Variants in DLG4 observed in about 807,000 individuals in gnomAD.
The protein encoded by DLG4 is discs large MAGUK scaffold protein 4, also known as disks large homolog 4.
Under a neutral mutation model 93.8 loss-of-function variants are expected in DLG4, and 7 were observed. That is an observed-to-expected ratio of 0.07 (90% CI 0.04 to 0.14). The LOEUF is 0.14. DLG4 is among the 10% of genes least tolerant of loss of function. DLG4 has a pLI of 1.00. For missense variants in DLG4, 545 were observed against 992.9 expected (o/e 0.55, Z 6.06); for synonymous variants, 341 against 387.6 (o/e 0.88, Z 1.41).
rs551015097 is a variant in DLG4 at position 7,195,769 on chromosome 17, C to T, written c.1301+451G>A. ...CAGAAACCTAAGCCACAAAAAGAGT[C>T]AATGGAGACGAGCCCTAAGAGGGGA... is the stretch of plus-strand genomic sequence containing the variant. On this transcript the variant is annotated intron_variant, in intron 11 of 19. Transcript: ENST00000399506. The surrounding 1 kb of genome is among the most constrained non-coding windows in gnomAD (Gnocchi z 4.3). Among the ~76,000 whole-genome samples the T allele has an allele frequency of 2.7e-4, 41 of 152,254 alleles. No individual in the cohort carries two copies. The South Asian group carries it at 8.5e-3, about 32-fold the overall frequency.
upstream of DLG4, chr17:7,218,469 G>C: frequency 6.8e-7 from 1 of 1,471,990 alleles, no homozygotes; most frequent in Non-Finnish European, 9.3e-7. Context: ...TGATCTCTGG[G>C]CTCCCAAACA....
At chr17:7,219,209 C>T (rs899868944), upstream of DLG4, 1 of 343,142 alleles carries the variant, frequency 2.9e-6, no homozygotes, top group African/African-American at 2.1e-5. Context: ...GACTTCCTGC[C>T]CTAGGGCTAG....
At chr17:7,218,099 G>A (rs771980584), upstream of DLG4, 28 of 748,644 alleles carry the variant, frequency 3.7e-5, no homozygotes, top group Admixed American at 5.6e-5. Context: ...GTGCATTCTC[G>A]GTGCCCCAAG....
chr17:7,191,757 T>TCCCCAGAGC lies in DLG4; in HGVS notation c.1976+135_1976+136insGCTCTGGGG. On this transcript the variant is annotated intron_variant, in intron 18 of 19. Transcript: ENST00000399506. The surrounding 1 kb of genome is among the most constrained non-coding windows in gnomAD (Gnocchi z 6.6). ...ACCCGATTCCCCCACATCCTCTGGG[T>TCCCCAGAGC]TCCAGGGATCCCCCTCAGGGGCTGC... is the stretch of plus-strand genomic sequence containing the variant. The TCCCCAGAGC allele has an allele frequency of 1.6e-6, 1 of 629,576 alleles. No homozygotes were observed. The highest frequency in any genetic ancestry group is 2.6e-4 in the Middle Eastern group (1 of 3,798). The allele number at this position is 629,576 out of a possible 1,614,324, so 39.0% of individuals were successfully genotyped here.
In DLG4 at chr17:7,195,937, C is replaced by T. The variant is rs73976743; in HGVS notation, c.1301+283G>A. ...CTTCACCAAGCATTAACCTTCGAGA[C>T]GCCAAATTGTGGGGTGGCCTGGGAG... On this transcript the variant is annotated intron_variant, in intron 11 of 19. Coordinates refer to ENST00000399506, the MANE Select transcript of DLG4 (RefSeq NM_001321075.3). The surrounding 1 kb of genome is among the most constrained non-coding windows in gnomAD (Gnocchi z 4.3). 1.6e-3 allele frequency among the ~76,000 whole-genome samples: 245 copies of T among 152,320 alleles called. No individual in the cohort carries two copies. The highest frequency in any genetic ancestry group is 5.6e-3 in the African/African-American group (232 of 41,588).
intron 8 of DLG4, among the ~76,000 whole-genome samples, chr17:7,201,609 G>A (rs753437307): frequency 3.9e-5 from 6 of 152,164 alleles, no homozygotes; most frequent in South Asian, 2.1e-4. Context: ...GGCCGGGCGC[G>A]GTGGCTCACG....
chr17:7,219,752 G>A (rs2142956744), upstream of DLG4: 6 of 1,457,360 alleles, frequency 4.1e-6, no homozygotes, highest in Non-Finnish European at 4.5e-6. Flanking sequence ...TCGGACGGGC[G>A]GGATTAAGGA....
intron 1 of DLG4, among the ~76,000 whole-genome samples, chr17:7,214,883 G>C (rs1382637344): frequency 6.6e-6 from 1 of 152,242 alleles, no homozygotes; most frequent in Non-Finnish European, 1.5e-5. Flanking sequence ...CTAGCACGCA[G>C]TAGGCTTTCA....
Position 7,194,193 on chromosome 17 carries a change from A to G in DLG4, c.1478+126T>C. On this transcript the variant is annotated intron_variant, in intron 12 of 19. Coordinates refer to ENST00000399506, the MANE Select transcript of DLG4 (RefSeq NM_001321075.3). This position sits in a 1 kb window ranked among gnomAD's most constrained non-coding sequence, Gnocchi z 4.4. Reference sequence around the variant, plus strand: ...GCTCATGGGAGCCACGGACCCCAGGAGGGCCCAACAGACAAACCCCTAGGA... The same window carrying G: ...GCTCATGGGAGCCACGGACCCCAGGGGGGCCCAACAGACAAACCCCTAGGA... The G allele has an allele frequency of 7.3e-7, 1 of 1,367,544 alleles. No individual in the cohort carries two copies. Among genetic ancestry groups the G allele is most frequent in the Non-Finnish European group, 9.9e-7 (1 of 1,011,874 alleles). The allele number at this position is 1,367,544 out of a possible 1,614,324, so 84.7% of individuals were successfully genotyped here.
rs144783345 is a variant in DLG4, at chr17:7,196,811, G to A, written c.1029C>T (p.Ala343=). The A allele has an allele frequency of 7.1e-5, 114 of 1,612,368 alleles. No homozygotes were observed. The African/African-American group carries it at 1.1e-3, about 15-fold the overall frequency. The change falls in exon 9 of 20, where the codon GCC becomes GCT. Residue 343 remains alanine, a synonymous_variant. Transcript: ENST00000399506. This position sits in a 1 kb window ranked among gnomAD's most constrained non-coding sequence, Gnocchi z 8.3. ...CCCCACTGAGGTCTGCAGGGCCCCC[G>A]GCCAGGATAAAGGAGATGAAGATGC... is the stretch of plus-strand genomic sequence containing the variant. The part of the protein sequence containing the change: ...GEGIFISFIL[A]GGPADLSGEL...
Position 7,196,412 on chromosome 17 carries a change from G to A in DLG4, c.1186+61C>T, listed in dbSNP as rs772563920. On this transcript the variant is annotated intron_variant, in intron 10 of 19. Transcript: ENST00000399506. This position sits in a 1 kb window ranked among gnomAD's most constrained non-coding sequence, Gnocchi z 8.3. ...CTGTCCTCCCCTACTGAAGCCATCA[G>A]CTGAGGAAGAGTTCTAAGGGCCATT... 9.3e-6 allele frequency: 15 copies of A among 1,609,072 alleles called. No individual in the cohort carries two copies. The highest frequency in any genetic ancestry group is 1.3e-5 in the African/African-American group (1 of 74,828).
At chr17:7,218,736 A>T, upstream of DLG4, 1 of 1,575,914 alleles carries the variant, frequency 6.3e-7, no homozygotes, top group Admixed American at 1.7e-5. Context: ...CCTTCACCCC[A>T]GCCCCTACGG....
Position 7,196,946 on chromosome 17 carries a change from G to A in DLG4, c.894C>T (p.Ala298=). ...TGTCTTCCTCCCCGAGCAGGTCCTT[G>A]GCCACTGGAGAGTAGCGCCGAGGGG... is the stretch of plus-strand genomic sequence containing the variant. ...PTSPRRYSPV[A]KDLLGEEDIP... The change falls in exon 9 of 20, where the codon GCC becomes GCT. Residue 298 remains alanine (A), a synonymous_variant. Transcript: ENST00000399506. The surrounding 1 kb of genome is among the most constrained non-coding windows in gnomAD (Gnocchi z 8.3). 1.2e-6 allele frequency: 2 copies of A among 1,613,834 alleles called. No homozygotes were observed. Among genetic ancestry groups the A allele is most frequent in the Non-Finnish European group, 1.7e-6 (2 of 1,179,854 alleles).
At chr17:7,199,098 T>C (rs947189868) in intron 8 of DLG4, among the ~76,000 whole-genome samples, 11 of 152,196 alleles carry the variant, frequency 7.2e-5, no homozygotes, top group Non-Finnish European at 8.8e-5. Context: ...AGCTGGTACA[T>C]GAAAGGGAGG....
chr17:7,217,767 G>A (rs1287359264), upstream of DLG4: 3 of 1,535,354 alleles, frequency 2.0e-6, no homozygotes, highest in Admixed American at 5.9e-5. Flanking sequence ...AGGCCCCTGA[G>A]GCAAACATGG....
Position 7,217,139 on chromosome 17 carries a change from A to G in DLG4, c.9T>C (p.Cys3=), listed in dbSNP as rs2070954436. 1 of 1,300,890 alleles carries G rather than the reference A, an allele frequency of 7.7e-7. No homozygotes were observed. Among genetic ancestry groups the G allele is most frequent in the Non-Finnish European group, 9.8e-7 (1 of 1,022,448 alleles). 80.6% of individuals were successfully genotyped at this position (1,300,890 alleles called of 1,614,324 possible). A position where few individuals can be genotyped will look rare whatever the true frequency, so the allele number is the denominator to read the frequency against. ...TTACCTTGGTTGTCACTATACAGAG[A>G]CAGTCCATGTTGGGGGGCCTGGCCG... MD[C]LCIVTTKKYR... The change falls in exon 1 of 20, where the codon TGT becomes TGC. Residue 3 remains cysteine, a synonymous_variant. Transcript: ENST00000399506.
chr17:7,217,136 G>A lies in DLG4; in HGVS notation c.12C>T (p.Leu4=). 7.7e-7 allele frequency: 1 copy of A among 1,301,588 alleles called. No individual in the cohort carries two copies. Among genetic ancestry groups the A allele is most frequent in the Middle Eastern group, 2.3e-4 (1 of 4,362 alleles). 80.6% of individuals were successfully genotyped at this position (1,301,588 alleles called of 1,614,324 possible). Residue 4 remains leucine, a synonymous_variant, in exon 1 of 20, where the codon CTC becomes CTT. Coordinates refer to ENST00000399506, the MANE Select transcript of DLG4 (RefSeq NM_001321075.3). Reference sequence around the variant, plus strand: ...TGCTTACCTTGGTTGTCACTATACAGAGACAGTCCATGTTGGGGGGCCTGG... The same window carrying A: ...TGCTTACCTTGGTTGTCACTATACAAAGACAGTCCATGTTGGGGGGCCTGG... MDC[L]CIVTTKKYRY...
In DLG4 at chr17:7,197,606, TC is replaced by T. The variant is rs1240740109; in HGVS notation, c.788-555del. Among the ~76,000 whole-genome samples the T allele has an allele frequency of 2.0e-5, 3 of 152,212 alleles. No individual in the cohort carries two copies. In the East Asian group the frequency reaches 5.8e-4, roughly 29 times the overall value. ...TTCAAGTGATTCTCATGCCTCAGCCTCCCAAGTAGCTGGGATTACAGGCGCG... is the reference window on the plus strand; with the variant it reads ...TTCAAGTGATTCTCATGCCTCAGCCTCCAAGTAGCTGGGATTACAGGCGCG... On this transcript the variant is annotated intron_variant, in intron 8 of 19. Transcript: ENST00000399506.
intron 8 of DLG4, among the ~76,000 whole-genome samples, chr17:7,199,525 A>G (rs76586099): frequency 0.069 from 10,552 of 152,074 alleles, 1,227 homozygotes; most frequent in African/African-American, 0.24. Context: ...TATTATTATG[A>G]TCTTAAAGAT....
Sources: gnomAD v4.1 joint callset for allele counts (sites outside exome capture counted in the v4.1 genomes callset) on GRCh38, gnomAD v4.1.1 for gene constraint, Gnocchi (gnomAD v3.1) non-coding constraint, MANE v1.5 for transcripts, NCBI Gene and HGNC (gene_info 2026-07-23, HGNC 2026-07-21) for gene names.